GGT1: variants seen among roughly 807,000 people sequenced by gnomAD.
GGT1 encodes the protein gamma-glutamyltransferase 1.
A neutral mutation model predicts 56.0 loss-of-function variants in GGT1; 21 were observed. The ratio of observed to expected loss-of-function variants is 0.38; its 90% CI spans 0.27 to 0.54. GGT1 has a LOEUF of 0.54. GGT1 is among the 20% of genes least tolerant of loss of function. The probability of loss-of-function intolerance (pLI) is 0.82; values close to 1 mark genes in which losing one functional copy is unlikely to be tolerated. For missense variants in GGT1, 466 were observed against 787.0 expected (o/e 0.59, Z 4.88); for synonymous variants, 238 against 342.6 (o/e 0.69, Z 3.37).
chr22:24,616,437 T>C (rs1256313361), intron 7 of GGT1, among the ~76,000 whole-genome samples: 2 of 149,440 alleles, frequency 1.3e-5, no homozygotes, highest in Non-Finnish European at 3.0e-5. Flanking sequence ...AGTTGGAGGA[T>C]GGAGGGGCAG....
rs751145411 is a variant in GGT1, at chr22:24,627,982, A to G, written c.1336+3A>G. The G allele has an allele frequency of 3.5e-6, 4 of 1,130,500 alleles. No homozygotes were observed. The East Asian group carries it at 1.9e-4, about 54-fold the overall frequency. The allele number at this position is 1,130,500 out of a possible 1,614,324, so 70.0% of individuals were successfully genotyped here. ...ACCTGCCAATTTCATCCAGCCAGGT[A>G]TGGGGTGGAGGTCCGGGGGTGGGGG... On this transcript the variant is annotated splice_donor_region_variant and intron_variant, in intron 13 of 15. Coordinates refer to ENST00000400382, the MANE Select transcript of GGT1 (RefSeq NM_001288833.2).
chr22:24,623,938 A>G, intron 11 of GGT1, 22 bp downstream of exon 11: 1 of 1,604,434 alleles, frequency 6.2e-7, no homozygotes. Context: ...GGGCTGGCCC[A>G]CTGTGGGTGT....
chr22:24,604,790 G>A (rs936298393), intron 1 of GGT1, among the ~76,000 whole-genome samples: 1 of 150,816 alleles, frequency 6.6e-6, no homozygotes, highest in African/African-American at 2.4e-5. Context: ...CCTTCATTCT[G>A]TAGGCCCTAC....
chr22:24,605,406 ATAT>A lies in GGT1; in HGVS notation c.-429+1883_-429+1885del, dbSNP rs1189011019. 5.7e-3 allele frequency among the ~76,000 whole-genome samples: 480 copies of A among 83,482 alleles called. 70 individuals carry two copies. Among genetic ancestry groups the A allele is most frequent in the Non-Finnish European group, 8.2e-3 (409 of 50,034 alleles). The allele number at this position is 83,482 out of a possible 152,430, so 54.8% of individuals were successfully genotyped here. ...TATAATATGTATTATATATTATATAATATTATATAATATGTATTATATATTATA... is the reference window on the plus strand; with the variant it reads ...TATAATATGTATTATATATTATATAATATATAATATGTATTATATATTATA... On this transcript the variant is annotated intron_variant, in intron 1 of 15. Coordinates refer to ENST00000400382, the MANE Select transcript of GGT1 (RefSeq NM_001288833.2).
In GGT1 at chr22:24,620,509, G is replaced by T; in HGVS notation, c.564G>T (p.Gln188His). The T allele has an allele frequency of 1.2e-6, 2 of 1,611,944 alleles. No homozygotes were observed. Among genetic ancestry groups the T allele is most frequent in the Non-Finnish European group, 1.7e-6 (2 of 1,179,824 alleles). ...LENKRTVIEQ[Q>H]PVLCEVFCRD... ...ACAAGCGGACCGTCATCGAGCAGCAGCCTGTCTTGTGGTATGTCTGTGGGT... is the reference window on the plus strand; with the variant it reads ...ACAAGCGGACCGTCATCGAGCAGCATCCTGTCTTGTGGTATGTCTGTGGGT... Residue 188 changes from glutamine (Q) to histidine (H), a missense_variant, in exon 8 of 16, where the codon CAG (glutamine) becomes CAT (histidine). This residue lies in a region of GGT1 where 456 missense variants were observed against 716.7 expected (regional missense o/e 0.64). Transcript: ENST00000400382. This position sits in a 1 kb window ranked among gnomAD's most constrained non-coding sequence, Gnocchi z 5.6.
At chr22:24,624,960 TCTC>T (rs2047657662) in intron 11 of GGT1, among the ~76,000 whole-genome samples, 1 of 151,640 alleles carries the variant, frequency 6.6e-6, no homozygotes, top group Non-Finnish European at 1.5e-5. Flanking sequence ...CTCACCACAC[TCTC>T]CTCGAGTTTT....
intron 4 of GGT1, among the ~76,000 whole-genome samples, chr22:24,610,777 G>A (rs1457351412): frequency 1.4e-5 from 2 of 146,422 alleles, no homozygotes; most frequent in Admixed American, 1.4e-4. Context: ...AAAGAGGGGT[G>A]TGGAAATCTG....
At chr22:24,589,671 G>T in the GGT1 span, 1 of 885,476 alleles carries the variant, frequency 1.1e-6, no homozygotes, top group Non-Finnish European at 1.7e-6. Flanking sequence ...TACTGATGCT[G>T]GCAGCAGGTC....
In GGT1 at chr22:24,628,362, A is replaced by C. The variant is rs1368451683; in HGVS notation, c.1537A>C (p.Thr513Pro). ...GCACAACCAGCTTCTGCCCAACGTC[A>C]CGACAGTGGAGAGAAACATTGACCA... ...RLHNQLLPNV[T>P]TVERNIDQAV... is the part of the protein sequence containing the mutation. Residue 513 changes from threonine (T) to proline (P), a missense_variant, in exon 15 of 16, where the codon ACG becomes CCG. Transcript: ENST00000400382. The surrounding 1 kb of genome is among the most constrained non-coding windows in gnomAD (Gnocchi z 5.7). 4 of 1,611,332 alleles carry C rather than the reference A, an allele frequency of 2.5e-6. No individual in the cohort carries two copies. Among genetic ancestry groups the C allele is most frequent in the Non-Finnish European group, 3.4e-6 (4 of 1,179,868 alleles).
At chr22:24,612,006 T>C (rs1034588694) in intron 5 of GGT1, among the ~76,000 whole-genome samples, 6 of 152,042 alleles carry the variant, frequency 3.9e-5, no homozygotes, top group Non-Finnish European at 7.4e-5. Context: ...AGGGTTTTGC[T>C]ATGTTGGCCA....
At position 24,607,272 on chromosome 22, in the gene GGT1, G is replaced by A. The variant is rs112581980; in HGVS notation, c.-428-682G>A. Among the ~76,000 whole-genome samples, 8 of 152,000 alleles carry A rather than the reference G, an allele frequency of 5.3e-5. No homozygotes were observed. In the South Asian group the frequency reaches 1.5e-3, roughly 28 times the overall value. On this transcript the variant is annotated intron_variant, in intron 1 of 15. Transcript: ENST00000400382. The stretch of plus-strand genomic sequence containing the variant: ...ACACACCTTTAGCATTGACAGCAGC[G>A]TGTGGTGAGGCCCCTTAGGCTGGGT...
intron 2 of GGT1, among the ~76,000 whole-genome samples, chr22:24,608,277 C>A (rs2046446449): frequency 6.6e-6 from 1 of 152,230 alleles, no homozygotes; most frequent in African/African-American, 2.4e-5. Context: ...GGCCCACCCT[C>A]CCTTGCTGAC....
At chr22:24,613,336 G>A (rs2046837869) in intron 5 of GGT1, among the ~76,000 whole-genome samples, 1 of 151,942 alleles carries the variant, frequency 6.6e-6, no homozygotes, top group Non-Finnish European at 1.5e-5. Context: ...GCCTCCCAAA[G>A]TGCTGAGATT....
chr22:24,618,685 C>T (rs914863653), intron 7 of GGT1, among the ~76,000 whole-genome samples: 8 of 152,284 alleles, frequency 5.3e-5, no homozygotes, highest in East Asian at 1.9e-4. Context: ...TCAGACCTTC[C>T]GGGATGTATG....
chr22:24,613,792 G>A lies in GGT1; in HGVS notation c.165-984G>A, dbSNP rs2046868942. ...GAAAAGAAAAGAAAAAGAGGAAACTGTAATCCCAGCACTTTGGGAGGTTGA... is the reference window on the plus strand; with the variant it reads ...GAAAAGAAAAGAAAAAGAGGAAACTATAATCCCAGCACTTTGGGAGGTTGA... On this transcript the variant is annotated intron_variant, in intron 5 of 15. Transcript: ENST00000400382. Among the ~76,000 whole-genome samples, 6 of 151,690 alleles carry A rather than the reference G, an allele frequency of 4.0e-5. No individual in the cohort carries two copies. In the South Asian group the frequency reaches 1.3e-3, roughly 32 times the overall value.
At chr22:24,611,455 G>C (rs936048301) in intron 5 of GGT1, among the ~76,000 whole-genome samples, 1 of 152,006 alleles carries the variant, frequency 6.6e-6, no homozygotes, top group African/African-American at 2.4e-5. Flanking sequence ...AAGAGTCTCT[G>C]TCTCTTTGGA....
In GGT1 at chr22:24,610,364, G is replaced by A. The variant is rs564808419; in HGVS notation, c.-175G>A. 991 of 212,888 alleles carry A rather than the reference G, an allele frequency of 4.7e-3. 9 individuals are homozygous for A. Among genetic ancestry groups the A allele is most frequent in the African/African-American group, 0.02 (867 of 42,668 alleles). The allele number at this position is 212,888 out of a possible 1,614,324, so 13.2% of individuals were successfully genotyped here. On this transcript the variant is annotated 5_prime_UTR_variant, in exon 4 of 16. Transcript: ENST00000400382. ...AACCTCCCTTGACCTTCAGGAGAAC[G>A]AGAAGGCTGCCTGATCAGAGAGTCC...
Position 24,611,514 on chromosome 22 carries a change from CCTATCTAT to C in GGT1, c.164+291_164+298del, listed in dbSNP as rs201643332. Among the ~76,000 whole-genome samples, 119 of 136,776 alleles carry C rather than the reference CCTATCTAT, an allele frequency of 8.7e-4. 1 individual carries two copies. The highest frequency in any genetic ancestry group is 1.9e-3 in the South Asian group (8 of 4,300). The allele number at this position is 136,776 out of a possible 152,430, so 89.7% of individuals were successfully genotyped here. The stretch of plus-strand genomic sequence containing the variant: ...TGGTTGTTATTTTTACTTATTTCTT[CCTATCTAT>C]CTATCTATCTATCTATCTATCATCT... On this transcript the variant is annotated intron_variant, in intron 5 of 15. Transcript: ENST00000400382.
intron 2 of GGT1, chr22:24,609,185 T>C (rs548341836): frequency 6.6e-6 from 1 of 152,250 alleles, no homozygotes; most frequent in Non-Finnish European, 1.5e-5. Context: ...GTTCTGCAGT[T>C]GGACAGACAG....
Sources: allele counts gnomAD v4.1 joint callset (sites outside exome capture counted in the v4.1 genomes callset), GRCh38; gene constraint gnomAD v4.1.1; regional missense constraint gnomAD v4.1.1; non-coding constraint Gnocchi (gnomAD v3.1); transcripts MANE v1.5; gene names NCBI Gene and HGNC (gene_info 2026-07-23, HGNC 2026-07-21).